The following DOCK1 variants were observed in gnomAD, a reference collection of about 807,000 sequenced individuals.
The protein encoded by DOCK1 is dedicator of cytokinesis protein 1.
Under a neutral mutation model 262.7 loss-of-function variants are expected in DOCK1, and 138 were observed. That is an observed-to-expected ratio of 0.53 (90% CI 0.46 to 0.61). The LOEUF is 0.61. Ranked by LOEUF, DOCK1 falls within the 20% of genes least tolerant of loss-of-function variation. The pLI is 0.00. For synonymous variants in DOCK1, 866 were observed against 867.4 expected, an observed-to-expected ratio of 1.00 and a Z score of 0.03; for missense variants, 1,908 against 2,370.7, an observed-to-expected ratio of 0.80 and a Z score of 4.05.
At chr10:127,000,103 G>C in intron 9 of DOCK1, 69 bp from the exon 10 acceptor site, 2 of 1,564,696 alleles carry the variant, frequency 1.3e-6, no homozygotes, top group Non-Finnish European at 1.7e-6. Context: ...TTTTTTTACT[G>C]TCCTTTTCAT....
At chr10:127,011,505 T>C (rs1176918468) in intron 11 of DOCK1, among the ~76,000 whole-genome samples, 1 of 152,252 alleles carries the variant, frequency 6.6e-6, no homozygotes, top group Non-Finnish European at 1.5e-5. Context: ...GCTCATTTCA[T>C]AGTGCACTTC....
chr10:127,207,695 G>C (rs1188012130), intron 27 of DOCK1, among the ~76,000 whole-genome samples: 1 of 152,128 alleles, frequency 6.6e-6, no homozygotes, highest in Non-Finnish European at 1.5e-5. Flanking sequence ...GACTTTGAAG[G>C]CCATAACATC....
chr10:127,249,150 T>G (rs2134802585), intron 28 of DOCK1, among the ~76,000 whole-genome samples: 1 of 152,190 alleles, frequency 6.6e-6, no homozygotes, highest in East Asian at 1.9e-4. Context: ...AGAACAGGGG[T>G]TGTTGCACTT....
At chr10:127,066,925 C>A (rs1306650456) in intron 23 of DOCK1, among the ~76,000 whole-genome samples, 1 of 152,230 alleles carries the variant, frequency 6.6e-6, no homozygotes, top group Non-Finnish European at 1.5e-5. Context: ...GAACCACTCT[C>A]TTTCCCATTT....
intron 27 of DOCK1, among the ~76,000 whole-genome samples, chr10:127,128,594 T>C (rs1364859112): frequency 6.6e-6 from 1 of 152,116 alleles, no homozygotes; most frequent in Admixed American, 6.5e-5. Context: ...CCTGTGTGCA[T>C]GTATTCTCAT....
intron 29 of DOCK1, among the ~76,000 whole-genome samples, chr10:127,315,672 A>G (rs1352545319): frequency 6.6e-6 from 1 of 152,218 alleles, no homozygotes; most frequent in African/African-American, 2.4e-5. Flanking sequence ...CTGCCCCTGA[A>G]GTCACATCAG....
At chr10:127,166,649 G>A (rs1037982635) in intron 27 of DOCK1, among the ~76,000 whole-genome samples, 3 of 152,154 alleles carry the variant, frequency 2.0e-5, no homozygotes, top group Non-Finnish European at 4.4e-5. Flanking sequence ...ATCTGTATGG[G>A]GATTCTCATT....
At chr10:126,953,600 G>C (rs2134437625) in intron 1 of DOCK1, among the ~76,000 whole-genome samples, 1 of 152,218 alleles carries the variant, frequency 6.6e-6, no homozygotes, top group African/African-American at 2.4e-5. Flanking sequence ...TTAGTACACT[G>C]TCATCAGTGG....
intron 43 of DOCK1, among the ~76,000 whole-genome samples, chr10:127,411,170 G>A (rs561797492): frequency 4.3e-4 from 66 of 152,272 alleles, no homozygotes; most frequent in African/African-American, 1.5e-3. Context: ...TCCAAATGCC[G>A]GAGCTCCCAT....
At chr10:127,053,871 C>T (rs897218170) in intron 22 of DOCK1, among the ~76,000 whole-genome samples, 1 of 152,100 alleles carries the variant, frequency 6.6e-6, no homozygotes, top group African/African-American at 2.4e-5. Flanking sequence ...ATTTCACTCC[C>T]TCTGCTTGTT....
At chr10:126,926,390 GA>G (rs922714769) in intron 1 of DOCK1, among the ~76,000 whole-genome samples, 2 of 150,648 alleles carry the variant, frequency 1.3e-5, no homozygotes, top group Non-Finnish European at 3.0e-5. Context: ...GTAGACAAAA[GA>G]AAAAAAAGAA....
At chr10:127,022,940 T>C (rs889089614) in intron 13 of DOCK1, among the ~76,000 whole-genome samples, 13 of 152,150 alleles carry the variant, frequency 8.5e-5, no homozygotes, top group African/African-American at 3.1e-4. Context: ...CTGAGAGGGG[T>C]AGAGTGTCCT....
At chr10:126,925,074 A>G (rs79366458) in intron 1 of DOCK1, among the ~76,000 whole-genome samples, 7,980 of 152,292 alleles carry the variant, frequency 0.052, 691 homozygotes, top group African/African-American at 0.18. Context: ...TCCCGCCTCT[A>G]TCACTGATCT....
chr10:127,006,139 A>C (rs1485868096), intron 10 of DOCK1, among the ~76,000 whole-genome samples: 2 of 152,150 alleles, frequency 1.3e-5, no homozygotes, highest in Non-Finnish European at 2.9e-5. Context: ...CAGCCCCTGC[A>C]GCGGAGTTGC....
intron 38 of DOCK1, among the ~76,000 whole-genome samples, chr10:127,401,792 C>T (rs1267128150): frequency 2.0e-5 from 3 of 152,210 alleles, no homozygotes; most frequent in Non-Finnish European, 4.4e-5. Flanking sequence ...GGACAGCCCT[C>T]TCCTGCCCCG....
chr10:127,418,702 A>C (rs1002361894), intron 45 of DOCK1, among the ~76,000 whole-genome samples, 161 bp downstream of exon 45: 1 of 152,224 alleles, frequency 6.6e-6, no homozygotes, highest in African/African-American at 2.4e-5. Context: ...GCGGCCCCTG[A>C]AGCCTGCAGC....
intron 3 of DOCK1, among the ~76,000 whole-genome samples, chr10:126,978,866 C>T (rs2038743652): frequency 6.6e-6 from 1 of 152,140 alleles, no homozygotes; most frequent in Admixed American, 6.5e-5. Context: ...TGCCAGGGTC[C>T]TTCCACTCTG....
chr10:127,381,894 C>A (rs937480375), intron 37 of DOCK1, among the ~76,000 whole-genome samples: 4 of 152,140 alleles, frequency 2.6e-5, no homozygotes, highest in African/African-American at 9.7e-5. Context: ...CAACTGTCTA[C>A]TCTTAGTGGT....
intron 1 of DOCK1, among the ~76,000 whole-genome samples, chr10:126,951,559 TTGG>T (rs1347949595): frequency 4.0e-5 from 6 of 151,078 alleles, no homozygotes; most frequent in East Asian, 2.0e-4. Flanking sequence ...TGGTGATGTG[TTGG>T]TGGTGATTGT....
Sources: allele counts gnomAD v4.1 joint callset (sites outside exome capture counted in the v4.1 genomes callset), GRCh38; gene constraint gnomAD v4.1.1; transcripts MANE v1.5; gene names NCBI Gene and HGNC (gene_info 2026-07-23, HGNC 2026-07-21).